Variants in BRWD1 observed in about 807,000 individuals in gnomAD.
BRWD1 encodes bromodomain and WD repeat-containing protein 1.
Under a neutral mutation model 251.2 loss-of-function variants are expected in BRWD1, and 82 were observed. The ratio of observed to expected loss-of-function variants is 0.33; its 90% confidence interval spans 0.27 to 0.39. The LOEUF (loss-of-function observed/expected upper bound fraction) is 0.39, where lower values mean the gene tolerates loss of function less well. Ranked by LOEUF, BRWD1 falls within the 10% of genes least tolerant of loss-of-function variation. The pLI, the probability that BRWD1 is intolerant of heterozygous loss-of-function variation, is 1.00. For synonymous variants in BRWD1, 918 were observed against 902.8 expected, an observed-to-expected ratio of 1.02 and a Z score of -0.30; for missense variants, 2,233 against 2,711.6, an observed-to-expected ratio of 0.82 and a Z score of 3.92.
At chr21:39,246,702 G>A (rs965309530) in intron 21 of BRWD1, among the ~76,000 whole-genome samples, 2 of 152,154 alleles carry the variant, frequency 1.3e-5, no homozygotes. Flanking sequence ...ATGAAGTATT[G>A]ATACATGCTA....
At chr21:39,247,146 A>C (rs2034221316) in intron 21 of BRWD1, among the ~76,000 whole-genome samples, 2 of 151,888 alleles carry the variant, frequency 1.3e-5, no homozygotes, top group African/African-American at 4.8e-5. Context: ...AAAATGTATC[A>C]GTGATTGTGA....
At chr21:39,304,141 CAAAAAAA>C (rs56990201) in intron 4 of BRWD1, among the ~76,000 whole-genome samples, 60,241 of 118,500 alleles carry the variant, frequency 0.51, 13,505 homozygotes, top group Admixed American at 0.6. Flanking sequence ...AACTCTTTCT[CAAAAAAA>C]AAAAAAAAAA....
chr21:39,247,700 C>G lies in BRWD1; in HGVS notation c.2481+1G>C. On this transcript the variant is annotated splice_donor_variant, in intron 21 of 40. Coordinates refer to ENST00000342449, the MANE Select transcript of BRWD1 (RefSeq NM_033656.4). LOFTEE classifies it high-confidence loss of function. ...ATAACATTTTAAAGTTTTCCACTCA[C>G]ATGTCTTACAGAGCTTGAAGACTCA... 6.3e-7 allele frequency: 1 copy of G among 1,599,010 alleles called. No homozygotes were observed. Among genetic ancestry groups the G allele is most frequent in the Non-Finnish European group, 8.5e-7 (1 of 1,175,364 alleles).
rs768551664 is a variant in BRWD1, at chr21:39,198,962, A to C, written c.5454T>G (p.Ile1818Met). 1 of 1,613,876 alleles carries C rather than the reference A, an allele frequency of 6.2e-7. No individual in the cohort carries two copies. Among genetic ancestry groups the C allele is most frequent in the Non-Finnish European group, 8.5e-7 (1 of 1,179,968 alleles). Residue 1818 changes from isoleucine to methionine, a missense_variant, in exon 40 of 41, where the codon ATT becomes ATG. Ile to Met is a conservative substitution (Grantham distance 10, BLOSUM62 1). Coordinates refer to ENST00000342449, the MANE Select transcript of BRWD1 (RefSeq NM_033656.4). ...ATTCAGAGTCTTCTGAGTCACTCAG[A>C]ATCTTGGTTTTTTTAAAGAAACTCG... ...KNASFFKKTKILSDSEDSESE... is the reference protein window; with the variant it reads ...KNASFFKKTKMLSDSEDSESE...
intron 21 of BRWD1, among the ~76,000 whole-genome samples, chr21:39,241,007 TCTC>T (rs933986915): frequency 2.0e-5 from 3 of 151,440 alleles, no homozygotes; most frequent in Non-Finnish European, 4.4e-5. Flanking sequence ...TTCAAACGAT[TCTC>T]CTGTCTCAGC....
intron 25 of BRWD1, among the ~76,000 whole-genome samples, chr21:39,230,473 T>C (rs78755844): frequency 0.014 from 2,181 of 152,304 alleles, 50 homozygotes; most frequent in African/African-American, 0.05. Context: ...ATAGAGAATA[T>C]ATAGGGATAG....
At chr21:39,198,612 A>G (rs1257439160) in intron 40 of BRWD1, 151 bp downstream of exon 40, 1 of 626,990 alleles carries the variant, frequency 1.6e-6, no homozygotes, top group Non-Finnish European at 2.7e-6. Flanking sequence ...GGATGAACAG[A>G]GAAGGCTAAC....
Position 39,188,973 on chromosome 21 carries a change from TG to T in BRWD1, c.*7285del. On this transcript the variant is annotated 3_prime_UTR_variant, in exon 41 of 41. Transcript: ENST00000342449. ...CCTTACCTCCTTCAGCTGGACTCTG[TG>T]GGAAGAGAAGTGGCTTAAAGTGCAC... The T allele has an allele frequency of 1.0e-6, 1 of 985,384 alleles. No individual in the cohort carries two copies. The highest frequency in any genetic ancestry group is 1.2e-6 in the Non-Finnish European group (1 of 829,916). The allele number at this position is 985,384 out of a possible 1,614,324, so 61.0% of individuals were successfully genotyped here.
upstream of BRWD1, chr21:39,313,719 G>A: frequency 2.6e-6 from 1 of 380,484 alleles, no homozygotes; most frequent in South Asian, 4.4e-5. Flanking sequence ...TTTGCGCCAA[G>A]AGAGGACCGG....
intron 4 of BRWD1, among the ~76,000 whole-genome samples, chr21:39,300,067 A>G (rs2036066958): frequency 6.6e-6 from 1 of 152,168 alleles, no homozygotes; most frequent in African/African-American, 2.4e-5. Flanking sequence ...TCAGAAAAGA[A>G]TAAGAAAAAA....
At chr21:39,292,944 A>C (rs2035857546) in intron 8 of BRWD1, among the ~76,000 whole-genome samples, 1 of 152,210 alleles carries the variant, frequency 6.6e-6, no homozygotes. Flanking sequence ...TTAAAAAGGA[A>C]TCTTTTCCTT....
intron 18 of BRWD1, among the ~76,000 whole-genome samples, chr21:39,258,217 A>G (rs2034623624): frequency 6.6e-6 from 1 of 152,008 alleles, no homozygotes; most frequent in Non-Finnish European, 1.5e-5. Context: ...TATTTTAAAA[A>G]CCAATCTGTT....
chr21:39,262,013 G>A (rs142621802), intron 17 of BRWD1, among the ~76,000 whole-genome samples: 2 of 152,250 alleles, frequency 1.3e-5, no homozygotes, highest in African/African-American at 4.8e-5. Flanking sequence ...AAAACAAGTT[G>A]AATTGGCTAT....
At chr21:39,230,550 G>C (rs1334448255) in intron 25 of BRWD1, among the ~76,000 whole-genome samples, 1 of 152,162 alleles carries the variant, frequency 6.6e-6, no homozygotes, top group African/African-American at 2.4e-5. Flanking sequence ...TTTTATGCGT[G>C]TTTCCGTTTA....
chr21:39,201,470 CTCTA>C (rs1174549097), intron 38 of BRWD1, among the ~76,000 whole-genome samples: 3 of 152,224 alleles, frequency 2.0e-5, no homozygotes, highest in African/African-American at 7.2e-5. Context: ...TTTGACTGTA[CTCTA>C]TCTGTTTGAT....
chr21:39,242,564 C>A (rs1007329923), intron 21 of BRWD1, among the ~76,000 whole-genome samples: 6 of 152,126 alleles, frequency 3.9e-5, no homozygotes, highest in African/African-American at 1.4e-4. Flanking sequence ...AAAGTGGCTA[C>A]AATAACAGAT....
intron 4 of BRWD1, among the ~76,000 whole-genome samples, chr21:39,312,266 G>A (rs1397283335): frequency 6.6e-6 from 1 of 152,198 alleles, no homozygotes; most frequent in Admixed American, 6.5e-5. Context: ...CAACTACTGC[G>A]TTCAACAAAT....
chr21:39,207,881 T>C (rs546366922), intron 36 of BRWD1, among the ~76,000 whole-genome samples: 1 of 152,244 alleles, frequency 6.6e-6, no homozygotes, highest in African/African-American at 2.4e-5. Context: ...TTACACTAAG[T>C]GAAATAAATA....
At chr21:39,314,071 C>CA (rs1224618280), upstream of BRWD1, 2 of 455,934 alleles carry the variant, frequency 4.4e-6, no homozygotes, top group African/African-American at 4.0e-5. Flanking sequence ...CTCCGGGTCG[C>CA]TCGGAAGGGT....
Sources: gnomAD v4.1 joint callset for allele counts (sites outside exome capture counted in the v4.1 genomes callset) on GRCh38, gnomAD v4.1.1 for gene constraint, MANE v1.5 for transcripts, NCBI Gene and HGNC (gene_info 2026-07-23, HGNC 2026-07-21) for gene names.